The following RC3H2 variants were observed in gnomAD, a reference collection of about 807,000 sequenced individuals.
RC3H2 encodes roquin-2.
RC3H2 carries 31 observed loss-of-function variants against 133.3 expected under a neutral mutation model. That is an observed-to-expected ratio of 0.23 (90% confidence interval 0.17 to 0.31). The LOEUF (loss-of-function observed/expected upper bound fraction) is 0.31. Among genes scored for constraint, RC3H2 ranks in the 10% least tolerant of loss-of-function variants. RC3H2 has a pLI of 1.00. For missense variants in RC3H2, 1,175 were observed against 1,437.2 expected, an observed-to-expected ratio of 0.82 and a Z score of 2.95; for synonymous variants, 517 against 502.2, an observed-to-expected ratio of 1.03 and a Z score of -0.40.
chr9:122,874,822 G>C (rs1831263266), intron 9 of RC3H2: 1 of 178,102 alleles, frequency 5.6e-6, no homozygotes, highest in Admixed American at 5.7e-5. Context: ...ACCTAGTTTG[G>C]CTATTATTAT....
At chr9:122,867,877 C>G (rs1442162184) in intron 9 of RC3H2, among the ~76,000 whole-genome samples, 1 of 71,308 alleles carries the variant, frequency 1.4e-5, no homozygotes, top group Non-Finnish European at 3.2e-5. Flanking sequence ...GCAGCCACCC[C>G]GTCCGGGAGG....
chr9:122,861,931 T>C (rs1365291575), intron 10 of RC3H2, among the ~76,000 whole-genome samples: 1 of 152,162 alleles, frequency 6.6e-6, no homozygotes, highest in African/African-American at 2.4e-5. Context: ...TTACATAAAG[T>C]AAAATAGAGA....
chr9:122,853,378 T>TAAAAAAAAAA (rs72033785), intron 18 of RC3H2, among the ~76,000 whole-genome samples: 3 of 83,686 alleles, frequency 3.6e-5, no homozygotes, highest in East Asian at 2.5e-4. Flanking sequence ...GAATGATCAA[T>TAAAAAAAAAA]AAAAAAAAAA....
At chr9:122,852,111 C>T (rs1830049123) in intron 18 of RC3H2, among the ~76,000 whole-genome samples, 1 of 150,996 alleles carries the variant, frequency 6.6e-6, no homozygotes, top group Non-Finnish European at 1.5e-5. Context: ...TGCCCGGCCG[C>T]CCGTCGTCTG....
chr9:122,885,312 T>TA (rs1296804968), intron 4 of RC3H2, among the ~76,000 whole-genome samples: 2 of 152,192 alleles, frequency 1.3e-5, no homozygotes, highest in African/African-American at 4.8e-5. Context: ...AAAGAATATA[T>TA]AAAAAATTCT....
At position 122,880,070 on chromosome 9, in the gene RC3H2, T is replaced by C; in HGVS notation, c.1016A>G (p.Gln339Arg). The C allele has an allele frequency of 6.2e-7, 1 of 1,614,160 alleles. No individual in the cohort carries two copies. Among genetic ancestry groups the C allele is most frequent in the Non-Finnish European group, 8.5e-7 (1 of 1,179,986 alleles). The part of the protein sequence containing the change: ...KSVQELTIVL[Q>R]RTGDPANLNR... Reference sequence around the variant, plus strand: ...TAAGTTAGCTGGGTCACCTGTTCGTTGCAAAACAATTGTCAATTCCTGGAC... The same window carrying C: ...TAAGTTAGCTGGGTCACCTGTTCGTCGCAAAACAATTGTCAATTCCTGGAC... The change falls in exon 7 of 21, where the codon CAA becomes CGA. Residue 339 changes from glutamine (Q) to arginine (R), a missense_variant. Gln to Arg is a conservative substitution (Grantham distance 43, BLOSUM62 1). This residue lies in a region of RC3H2 where 131 missense variants were observed against 154.2 expected (regional missense o/e 0.85). Transcript: ENST00000357244.
intron 18 of RC3H2, among the ~76,000 whole-genome samples, chr9:122,851,909 C>T (rs1386505729): frequency 7.2e-5 from 11 of 152,168 alleles, no homozygotes; most frequent in East Asian, 5.8e-4. Context: ...AGCCTCTGCC[C>T]GGCCGCCACC....
At chr9:122,884,444 C>T (rs749053119) in intron 4 of RC3H2, among the ~76,000 whole-genome samples, 1 of 152,140 alleles carries the variant, frequency 6.6e-6, no homozygotes, top group Non-Finnish European at 1.5e-5. Flanking sequence ...TGATATTAGC[C>T]TCTGAATGCA....
Position 122,857,947 on chromosome 9 carries a change from C to G in RC3H2, c.2430G>C (p.Leu810=), listed in dbSNP as rs766057890. The G allele has an allele frequency of 6.2e-7, 1 of 1,614,116 alleles. No homozygotes were observed. The highest frequency in any genetic ancestry group is 8.5e-7 in the Non-Finnish European group (1 of 1,179,978). The change falls in exon 13 of 21, where the codon CTG becomes CTC. Residue 810 remains leucine (L), a synonymous_variant. Coordinates refer to ENST00000357244, the MANE Select transcript of RC3H2 (RefSeq NM_001100588.3). The stretch of plus-strand genomic sequence containing the variant: ...CATCCGCACGAAAGTCTACACTGAA[C>G]AGAGGAGAAGGTGGTGTTGGTGACT... ...ATQSPTPPSP[L]FSVDFRADFS... is the part of the protein sequence containing the mutation.
intron 9 of RC3H2, 148 bp from the exon 10 acceptor site, chr9:122,865,805 A>T: frequency 1.6e-6 from 1 of 639,068 alleles, no homozygotes; most frequent in South Asian, 2.0e-5. Context: ...AATACAGTCT[A>T]TATCAAATTC....
rs1196169231 is a variant in RC3H2, at chr9:122,875,231, T to C, written c.1325+2240A>G. 14 of 1,551,096 alleles carry C rather than the reference T, an allele frequency of 9.0e-6. No homozygotes were observed. In the East Asian group the frequency reaches 3.2e-4, roughly 35 times the overall value. ...AAAAAACTGAGAAGAGAAGCATGTT[T>C]CTGCTCTTTTCACTGCACACACACT... On this transcript the variant is annotated intron_variant, in intron 9 of 20. Coordinates refer to ENST00000357244, the MANE Select transcript of RC3H2 (RefSeq NM_001100588.3).
In RC3H2 at chr9:122,849,710, G is replaced by C. The variant is rs754274505; in HGVS notation, c.3493C>G (p.Leu1165Val). 1.2e-6 allele frequency: 2 copies of C among 1,611,994 alleles called. No homozygotes were observed. The highest frequency in any genetic ancestry group is 2.7e-5 in the African/African-American group (2 of 74,754). The change falls in exon 21 of 21, where the codon CTC becomes GTC. Residue 1165 changes from leucine to valine, a missense_variant. Coordinates refer to ENST00000357244, the MANE Select transcript of RC3H2 (RefSeq NM_001100588.3). ...GACATAACATGAGTTTTCAGAATGA[G>C]GTTGCCAGCACTGACAGATGTGGTG... ...PITTSVSAGN[L>V]ILKTHVMSED...
At position 122,854,177 on chromosome 9, in the gene RC3H2, G is replaced by C. The variant is rs1330485701; in HGVS notation, c.2982+8C>G. The stretch of plus-strand genomic sequence containing the variant: ...CTCAAAAATTTATAGCTGAGTTACA[G>C]AGCCTACCTGCTGAAGTTCAAGGCT... On this transcript the variant is annotated splice_region_variant and intron_variant, in intron 17 of 20. Coordinates refer to ENST00000357244, the MANE Select transcript of RC3H2 (RefSeq NM_001100588.3). 6.2e-7 allele frequency: 1 copy of C among 1,613,466 alleles called. No homozygotes were observed.
rs756032352 is a variant in RC3H2 at position 122,865,568 on chromosome 9, G to A, written c.1415C>T (p.Thr472Ile). The change falls in exon 10 of 21, where the codon ACA (threonine) becomes ATA (isoleucine). Residue 472 changes from threonine (T) to isoleucine (I), a missense_variant. This residue lies in a region of RC3H2 where 490 missense variants were observed against 492.8 expected (regional missense o/e 0.99). Coordinates refer to ENST00000357244, the MANE Select transcript of RC3H2 (RefSeq NM_001100588.3). ...KVGVNNTVTT[T>I]AGNVISVIGS... ...TATGACAGAAATGACATTTCCGGCT[G>A]TGGTTGTGACAGTGTTGTTTACACC... 2 of 1,614,174 alleles carry A rather than the reference G, an allele frequency of 1.2e-6. No homozygotes were observed. The highest frequency in any genetic ancestry group is 1.7e-6 in the Non-Finnish European group (2 of 1,180,022).
chr9:122,852,406 G>T (rs550267676), intron 18 of RC3H2, among the ~76,000 whole-genome samples: 3 of 147,850 alleles, frequency 2.0e-5, no homozygotes, highest in Admixed American at 6.7e-5. Flanking sequence ...GGAGGGAGGT[G>T]GGGGGGTCAG....
At position 122,905,357 on chromosome 9, in the gene RC3H2, G is replaced by A. The variant is rs1164896655; in HGVS notation, c.-315C>T. ...CTCACCACGGAGGCGGACCTGGAGG[G>A]ATCCCGATCTAGCTCTCGCGAGAAG... On this transcript the variant is annotated 5_prime_UTR_variant, in exon 1 of 21. Transcript: ENST00000357244. 5.5e-6 allele frequency: 5 copies of A among 916,478 alleles called. No individual in the cohort carries two copies. The highest frequency in any genetic ancestry group is 5.0e-5 in the South Asian group (1 of 19,990). 56.8% of individuals were successfully genotyped at this position (916,478 alleles called of 1,614,324 possible). A position where few individuals can be genotyped will look rare whatever the true frequency, so the allele number is the denominator to read the frequency against.
chr9:122,854,004 C>T lies in RC3H2; in HGVS notation c.3065G>A (p.Arg1022His), dbSNP rs377732580. 2.9e-5 allele frequency: 47 copies of T among 1,614,064 alleles called. No homozygotes were observed. Among genetic ancestry groups the T allele is most frequent in the Non-Finnish European group, 3.6e-5 (43 of 1,180,040 alleles). ...QQKWNSLDEG[R>H]HLTLNLLSKE... ...GCTTAAAAGGTTTAAGGTAAGGTGACGGCCTTCATCCAGGGAATTCCACTT... is the reference window on the plus strand; with the variant it reads ...GCTTAAAAGGTTTAAGGTAAGGTGATGGCCTTCATCCAGGGAATTCCACTT... Residue 1022 changes from arginine (R) to histidine (H), a missense_variant, in exon 18 of 21, where the codon CGT becomes CAT. Transcript: ENST00000357244.
chr9:122,879,393 A>T (rs547697170), intron 8 of RC3H2, among the ~76,000 whole-genome samples: 2 of 148,474 alleles, frequency 1.3e-5, no homozygotes. Flanking sequence ...GACTTTGTCT[A>T]AAAAAAAAAG....
chr9:122,889,513 A>T (rs1259640760), intron 4 of RC3H2, among the ~76,000 whole-genome samples: 2 of 152,214 alleles, frequency 1.3e-5, no homozygotes, highest in Non-Finnish European at 2.9e-5. Context: ...TAAATCACAA[A>T]GTTCAAACAA....
Sources: gnomAD v4.1 joint callset for allele counts (sites outside exome capture counted in the v4.1 genomes callset) on GRCh38, gnomAD v4.1.1 for gene constraint, gnomAD v4.1.1 regional missense constraint, MANE v1.5 for transcripts, NCBI Gene and HGNC (gene_info 2026-07-23, HGNC 2026-07-21) for gene names.